The following ZNF257 variants were observed in gnomAD, a reference collection of about 807,000 sequenced individuals.
The protein encoded by ZNF257 is zinc finger protein 257.
A neutral mutation model predicts 11.9 loss-of-function variants in ZNF257; 12 were observed. The ratio of observed to expected loss-of-function variants is 1.01; its 90% confidence interval spans 0.65 to 1.63. ZNF257 has a LOEUF of 1.63. Ranked by LOEUF, ZNF257 falls within the 40% of genes most tolerant of loss-of-function variation. The pLI is 0.00. For missense variants in ZNF257, 580 were observed against 665.5 expected (o/e 0.87, Z 1.41); for synonymous variants, 183 against 222.7 (o/e 0.82, Z 1.59).
In ZNF257 at chr19:22,061,974, C is replaced by T. The variant is rs181122893; in HGVS notation, c.3+9339C>T. ...GTTTATGATGAACCAATCTTACATC[C>T]CAGAGATAAAGCCTACTTGATTATA... is the stretch of plus-strand genomic sequence containing the variant. On this transcript the variant is annotated intron_variant, in intron 1 of 3. Transcript: ENST00000594947. 2.4e-3 allele frequency among the ~76,000 whole-genome samples: 368 copies of T among 151,796 alleles called. 2 individuals carry two copies. The highest frequency in any genetic ancestry group is 8.0e-3 in the African/African-American group (333 of 41,376).
chr19:22,074,363 T>C (rs569513159), intron 3 of ZNF257: 1 of 152,276 alleles, frequency 6.6e-6, no homozygotes, highest in South Asian at 2.1e-4. Flanking sequence ...TATTTATTTA[T>C]TTTTTGAGAT....
intron 1 of ZNF257, among the ~76,000 whole-genome samples, chr19:22,067,342 T>G (rs1290212045): frequency 6.6e-6 from 1 of 152,114 alleles, no homozygotes; most frequent in Non-Finnish European, 1.5e-5. Flanking sequence ...CACGTAGACA[T>G]GAGAATCTCC....
At chr19:22,068,532 T>C (rs565034993) in intron 1 of ZNF257, among the ~76,000 whole-genome samples, 1 of 152,198 alleles carries the variant, frequency 6.6e-6, no homozygotes, top group Admixed American at 6.5e-5. Flanking sequence ...AATTTCTGCA[T>C]TGTGAGATGT....
intron 1 of ZNF257, among the ~76,000 whole-genome samples, chr19:22,056,913 A>G (rs931519419): frequency 3.8e-4 from 58 of 152,202 alleles, no homozygotes; most frequent in African/African-American, 1.3e-3. Context: ...GAAAATGAAT[A>G]CATTTCCACA....
At chr19:22,057,051 A>G (rs906826225) in intron 1 of ZNF257, among the ~76,000 whole-genome samples, 1 of 152,170 alleles carries the variant, frequency 6.6e-6, no homozygotes, top group African/African-American at 2.4e-5. Flanking sequence ...TCTGAGTTTA[A>G]TGTTAAATTT....
chr19:22,067,029 G>T (rs929066943), intron 1 of ZNF257, among the ~76,000 whole-genome samples: 4 of 151,696 alleles, frequency 2.6e-5, no homozygotes, highest in Non-Finnish European at 5.9e-5. Flanking sequence ...AACACATAAG[G>T]TGCCAGCCAA....
At chr19:22,062,136 C>T (rs534189715) in intron 1 of ZNF257, among the ~76,000 whole-genome samples, 14 of 148,958 alleles carry the variant, frequency 9.4e-5, no homozygotes, top group African/African-American at 2.7e-4. Context: ...TGTTGCCTCA[C>T]TGCAACCTCT....
chr19:22,073,993 C>G (rs140727836), intron 3 of ZNF257, among the ~76,000 whole-genome samples: 1 of 151,960 alleles, frequency 6.6e-6, no homozygotes, highest in Non-Finnish European at 1.5e-5. Context: ...TTTAATTTTT[C>G]TGCACATTTC....
chr19:22,066,098 T>C (rs1489404012), intron 1 of ZNF257: 1 of 152,598 alleles, frequency 6.6e-6, no homozygotes, highest in Non-Finnish European at 1.5e-5. Flanking sequence ...AACTTCTTTA[T>C]TTCTCTCAAT....
At chr19:22,083,456 G>A (rs1202675172) in intron 3 of ZNF257, among the ~76,000 whole-genome samples, 2 of 152,032 alleles carry the variant, frequency 1.3e-5, no homozygotes, top group Non-Finnish European at 2.9e-5. Flanking sequence ...GGTGACGAGT[G>A]AAACTCCATC....
In ZNF257 at chr19:22,076,781, C is replaced by T. The variant is rs143522923; in HGVS notation, c.226+3217C>T. Among the ~76,000 whole-genome samples, 276 of 152,234 alleles carry T rather than the reference C, an allele frequency of 1.8e-3. 1 individual carries two copies. The highest frequency in any genetic ancestry group is 6.1e-3 in the African/African-American group (253 of 41,516). ...TCAGCTCACTGCAACCTCCGCCTCC[C>T]GGGTTCACGCCATTCTCCTGCCTCA... On this transcript the variant is annotated intron_variant, in intron 3 of 3. Coordinates refer to ENST00000594947, the MANE Select transcript of ZNF257 (RefSeq NM_033468.4).
At chr19:22,072,417 G>A (rs2022124531) in intron 1 of ZNF257, among the ~76,000 whole-genome samples, 1 of 151,978 alleles carries the variant, frequency 6.6e-6, no homozygotes, top group Non-Finnish European at 1.5e-5. Context: ...TTACTTAGTG[G>A]ATGTTTGACA....
chr19:22,058,247 C>T (rs2021695952), intron 1 of ZNF257, among the ~76,000 whole-genome samples: 1 of 151,906 alleles, frequency 6.6e-6, no homozygotes, highest in African/African-American at 2.4e-5. Context: ...CCTGGATTAC[C>T]TATGTGCTTC....
At position 22,089,309 on chromosome 19, in the gene ZNF257, G is replaced by A. The variant is rs2022571269; in HGVS notation, c.1559G>A (p.Cys520Tyr). 1.2e-6 allele frequency: 2 copies of A among 1,613,858 alleles called. No homozygotes were observed. The highest frequency in any genetic ancestry group is 1.7e-6 in the Non-Finnish European group (2 of 1,179,894). The change falls in exon 4 of 4, where the codon TGT (cysteine) becomes TAT (tyrosine). Residue 520 changes from cysteine to tyrosine, a missense_variant. Coordinates refer to ENST00000594947, the MANE Select transcript of ZNF257 (RefSeq NM_033468.4). Reference sequence around the variant, plus strand: ...GAGAAACCCTACAAATGTGAAGAATGTGGCAAGCCTTTTAATCGTTTCTCA... The same window carrying A: ...GAGAAACCCTACAAATGTGAAGAATATGGCAAGCCTTTTAATCGTTTCTCA... ...TGEKPYKCEE[C>Y]GKPFNRFSYL... is the part of the protein sequence containing the mutation.
rs2022578898 is a variant in ZNF257, at chr19:22,089,523, A to G, written c.*81A>G. The stretch of plus-strand genomic sequence containing the variant: ...ATCCTTACTAAACATAAGGGAATTC[A>G]TAATAGAGAAACCCTACAAATGTGA... On this transcript the variant is annotated 3_prime_UTR_variant, in exon 4 of 4. Coordinates refer to ENST00000594947, the MANE Select transcript of ZNF257 (RefSeq NM_033468.4). The G allele has an allele frequency of 6.6e-7, 1 of 1,513,916 alleles. No homozygotes were observed. Among genetic ancestry groups the G allele is most frequent in the Non-Finnish European group, 8.8e-7 (1 of 1,135,636 alleles). The allele number at this position is 1,513,916 out of a possible 1,614,324, so 93.8% of individuals were successfully genotyped here. A position where few individuals can be genotyped will look rare whatever the true frequency, so the allele number is the denominator to read the frequency against.
intron 1 of ZNF257, among the ~76,000 whole-genome samples, chr19:22,058,883 A>G (rs898957873): frequency 4.0e-5 from 6 of 150,502 alleles, no homozygotes; most frequent in African/African-American, 1.2e-4. Flanking sequence ...ATTTCACCAC[A>G]GCATTTTTAT....
intron 3 of ZNF257, among the ~76,000 whole-genome samples, chr19:22,086,405 C>T (rs934271015): frequency 6.6e-6 from 1 of 151,902 alleles, no homozygotes; most frequent in Non-Finnish European, 1.5e-5. Context: ...ACAATAATTT[C>T]TGTTCTTTTA....
chr19:22,080,178 C>CATATTATA (rs1246547874), intron 3 of ZNF257, among the ~76,000 whole-genome samples: 49 of 152,048 alleles, frequency 3.2e-4, no homozygotes, highest in Admixed American at 6.5e-5. Flanking sequence ...CAGGGTCTCA[C>CATATTATA]TATGTTGCCC....
chr19:22,065,661 A>T (rs2021924661), intron 1 of ZNF257, among the ~76,000 whole-genome samples: 1 of 152,218 alleles, frequency 6.6e-6, no homozygotes, highest in Non-Finnish European at 1.5e-5. Flanking sequence ...AACTCTAGGT[A>T]AGCATAATTT....
Sources: gnomAD v4.1 joint callset for allele counts (sites outside exome capture counted in the v4.1 genomes callset) on GRCh38, gnomAD v4.1.1 for gene constraint, MANE v1.5 for transcripts, NCBI Gene and HGNC (gene_info 2026-07-23, HGNC 2026-07-21) for gene names.